Variants in RAB22A observed in about 807,000 individuals in gnomAD.
RAB22A encodes RAB22A, member RAS oncogene family, also known as ras-related protein Rab-22A.
Under a neutral mutation model 30.2 loss-of-function variants are expected in RAB22A, and 13 were observed. That is an observed-to-expected ratio of 0.43 (90% confidence interval 0.28 to 0.68). The LOEUF (loss-of-function observed/expected upper bound fraction) is 0.68. Among genes scored for constraint, RAB22A ranks in the 30% least tolerant of loss-of-function variants. RAB22A has a pLI of 0.18. For missense variants in RAB22A, 177 were observed against 246.8 expected (o/e 0.72, Z 1.89); for synonymous variants, 89 against 87.2 (o/e 1.02, Z -0.11).
rs937780219 is a variant in RAB22A, at chr20:58,367,096, C to A, written c.*7393C>A. 1.3e-5 allele frequency: 2 copies of A among 152,612 alleles called. No individual in the cohort carries two copies. Among genetic ancestry groups the A allele is most frequent in the African/African-American group, 4.8e-5 (2 of 41,448 alleles). 9.5% of individuals were successfully genotyped at this position (152,612 alleles called of 1,614,324 possible). A position where few individuals can be genotyped will look rare whatever the true frequency, so the allele number is the denominator to read the frequency against. On this transcript the variant is annotated 3_prime_UTR_variant, in exon 7 of 7. Transcript: ENST00000244040. ...CGCTTTGTAGCACTATTATAAACAG[C>A]CCAAATTTATGGCCTTGGACTTACT...
chr20:58,338,891 G>A (rs1191963793), intron 2 of RAB22A, among the ~76,000 whole-genome samples: 1 of 152,206 alleles, frequency 6.6e-6, no homozygotes. Context: ...TTTGAGAAGT[G>A]AGAATCCTTT....
intron 2 of RAB22A, among the ~76,000 whole-genome samples, chr20:58,314,765 C>T (rs565691649): frequency 4.6e-5 from 7 of 151,840 alleles, no homozygotes; most frequent in East Asian, 3.9e-4. Context: ...TGCTTAAACG[C>T]GGGAGGCGGA....
At position 58,340,176 on chromosome 20, in the gene RAB22A, G is replaced by T. The variant is rs572820085; in HGVS notation, c.117-3542G>T. ...TTCAAACGTGAATGAGCAGGAAAGA[G>T]ACACCCCCTCCTTCCAAAAAGCGAT... is the stretch of plus-strand genomic sequence containing the variant. On this transcript the variant is annotated intron_variant, in intron 2 of 6. Coordinates refer to ENST00000244040, the MANE Select transcript of RAB22A (RefSeq NM_020673.3). Among the ~76,000 whole-genome samples the T allele has an allele frequency of 5.3e-5, 8 of 152,318 alleles. No individual in the cohort carries two copies. In the East Asian group the frequency reaches 1.3e-3, roughly 26 times the overall value.
At chr20:58,345,197 C>T (rs976639920) in intron 3 of RAB22A, among the ~76,000 whole-genome samples, 1 of 152,094 alleles carries the variant, frequency 6.6e-6, no homozygotes, top group Non-Finnish European at 1.5e-5. Flanking sequence ...ACAGCAAAGC[C>T]CTCATCATAA....
At chr20:58,347,217 A>G (rs1986965055) in intron 3 of RAB22A, among the ~76,000 whole-genome samples, 1 of 152,224 alleles carries the variant, frequency 6.6e-6, no homozygotes, top group Non-Finnish European at 1.5e-5. Flanking sequence ...GACATCTTGT[A>G]CTGCACATAG....
At chr20:58,340,326 G>T (rs117399622) in intron 2 of RAB22A, among the ~76,000 whole-genome samples, 78 of 152,276 alleles carry the variant, frequency 5.1e-4, no homozygotes, top group Non-Finnish European at 9.0e-4. Flanking sequence ...TTGGCAGAAG[G>T]CAGGAAGGAC....
rs144482502 is a variant in RAB22A at position 58,322,819 on chromosome 20, G to C, written c.116+11697G>C. On this transcript the variant is annotated intron_variant, in intron 2 of 6. Transcript: ENST00000244040. ...TTTGCATTAAATGACCTTTCAAAGA[G>C]ACCATTAGTCTTTTTTTCTATCCTT... Among the ~76,000 whole-genome samples the C allele has an allele frequency of 8.5e-5, 10 of 117,156 alleles. 1 individual carries two copies. Among genetic ancestry groups the C allele is most frequent in the African/African-American group, 4.1e-4 (10 of 24,316 alleles). 76.9% of individuals were successfully genotyped at this position (117,156 alleles called of 152,430 possible). A position where few individuals can be genotyped will look rare whatever the true frequency, so the allele number is the denominator to read the frequency against.
Position 58,364,527 on chromosome 20 carries a change from A to T in RAB22A, c.*4824A>T, listed in dbSNP as rs1158853809. 6.6e-6 allele frequency: 1 copy of T among 152,210 alleles called. No individual in the cohort carries two copies. The highest frequency in any genetic ancestry group is 2.1e-4 in the South Asian group (1 of 4,830). 9.4% of individuals were successfully genotyped at this position (152,210 alleles called of 1,614,324 possible). ...AGTAAGATTAAGATGTATCATTAGT[A>T]TATGGTGAAATTAAAACCGTGGTGT... is the stretch of plus-strand genomic sequence containing the variant. On this transcript the variant is annotated 3_prime_UTR_variant, in exon 7 of 7. Transcript: ENST00000244040.
At chr20:58,331,972 A>G (rs1986668909) in intron 2 of RAB22A, among the ~76,000 whole-genome samples, 1 of 152,204 alleles carries the variant, frequency 6.6e-6, no homozygotes, top group South Asian at 2.1e-4. Flanking sequence ...ATAAGGGAGC[A>G]TTTAACAAGT....
chr20:58,354,550 T>C (rs543536), intron 6 of RAB22A, among the ~76,000 whole-genome samples: 18,248 of 152,282 alleles, frequency 0.12, 1,486 homozygotes, highest in Non-Finnish European at 0.18. Context: ...AATATGTTTC[T>C]GTTAGTCGTC....
rs1055305060 is a variant in RAB22A, at chr20:58,338,330, T to C, written c.117-5388T>C. Among the ~76,000 whole-genome samples the C allele has an allele frequency of 2.0e-5, 3 of 152,226 alleles. No individual in the cohort carries two copies. In the South Asian group the frequency reaches 6.2e-4, roughly 31 times the overall value. On this transcript the variant is annotated intron_variant, in intron 2 of 6. Transcript: ENST00000244040. ...CTTGAGCCACCGTGCCCAGCCTGTTTAAAGAAATCTTTTCCTTGATTTTAA... is the reference window on the plus strand; with the variant it reads ...CTTGAGCCACCGTGCCCAGCCTGTTCAAAGAAATCTTTTCCTTGATTTTAA...
In RAB22A at chr20:58,362,093, G is replaced by A. The variant is rs1404836131; in HGVS notation, c.*2390G>A. ...TGAAGCTTGTACTTATGCATTTCTC[G>A]GGCCTCTTCCCTCATTTTCATCAGT... On this transcript the variant is annotated 3_prime_UTR_variant, in exon 7 of 7. Transcript: ENST00000244040. 4 of 151,882 alleles carry A rather than the reference G, an allele frequency of 2.6e-5. No individual in the cohort carries two copies. The highest frequency in any genetic ancestry group is 6.6e-5 in the Admixed American group (1 of 15,242). The allele number at this position is 151,882 out of a possible 1,614,324, so 9.4% of individuals were successfully genotyped here.
intron 2 of RAB22A, among the ~76,000 whole-genome samples, chr20:58,329,647 G>T (rs1263761915): frequency 2.0e-5 from 3 of 152,156 alleles, no homozygotes; most frequent in Admixed American, 1.3e-4. Flanking sequence ...CAAAATTTGG[G>T]ACATTTGCAT....
chr20:58,326,579 A>G (rs1198881107), intron 2 of RAB22A, among the ~76,000 whole-genome samples: 1 of 152,172 alleles, frequency 6.6e-6, no homozygotes, highest in Non-Finnish European at 1.5e-5. Flanking sequence ...CTAGTTGAGG[A>G]CATCCAAGTT....
intron 3 of RAB22A, among the ~76,000 whole-genome samples, chr20:58,348,530 A>G (rs117440553): frequency 0.014 from 2,091 of 152,304 alleles, 23 homozygotes; most frequent in Non-Finnish European, 0.02. Context: ...ATGAAGAGAC[A>G]AGAAGACCTG....
intron 2 of RAB22A, among the ~76,000 whole-genome samples, chr20:58,312,443 A>G (rs1227389033): frequency 1.6e-4 from 20 of 123,554 alleles, no homozygotes; most frequent in African/African-American, 6.0e-4. Context: ...GTAGAGATAG[A>G]GTTGCACCAT....
intron 2 of RAB22A, among the ~76,000 whole-genome samples, chr20:58,321,816 A>G (rs970022536): frequency 3.9e-5 from 6 of 152,188 alleles, no homozygotes; most frequent in African/African-American, 1.2e-4. Flanking sequence ...ATATACATAA[A>G]CAGAAACAAG....
intron 3 of RAB22A, among the ~76,000 whole-genome samples, chr20:58,346,563 C>T (rs1414894293): frequency 6.6e-6 from 1 of 152,214 alleles, no homozygotes; most frequent in Non-Finnish European, 1.5e-5. Flanking sequence ...CTCTAAACCC[C>T]CTGCATCTAA....
At chr20:58,337,658 A>G (rs1339093859) in intron 2 of RAB22A, among the ~76,000 whole-genome samples, 2 of 152,204 alleles carry the variant, frequency 1.3e-5, no homozygotes, top group Non-Finnish European at 2.9e-5. Context: ...TGTTCCTGCC[A>G]TGTGGTAGAA....
Sources: allele counts gnomAD v4.1 joint callset (sites outside exome capture counted in the v4.1 genomes callset), GRCh38; gene constraint gnomAD v4.1.1; transcripts MANE v1.5; gene names NCBI Gene and HGNC (gene_info 2026-07-23, HGNC 2026-07-21).